GPR107: variants seen among roughly 807,000 people sequenced by gnomAD.
GPR107 encodes protein GPR107.
Under a neutral mutation model 75.5 loss-of-function variants are expected in GPR107, and 31 were observed. The ratio of observed to expected loss-of-function variants is 0.41; its 90% CI spans 0.31 to 0.55. The LOEUF (loss-of-function observed/expected upper bound fraction) is 0.55. Among genes scored for constraint, GPR107 ranks in the 20% least tolerant of loss-of-function variants. GPR107 has a pLI of 0.26. For synonymous variants in GPR107, 267 were observed against 251.3 expected, an observed-to-expected ratio of 1.06 and a Z score of -0.59; for missense variants, 572 against 665.7, an observed-to-expected ratio of 0.86 and a Z score of 1.55.
chr9:130,133,849 G>A (rs946570263), intron 17 of GPR107, among the ~76,000 whole-genome samples: 2 of 152,186 alleles, frequency 1.3e-5, no homozygotes, highest in Non-Finnish European at 2.9e-5. Context: ...GGGCATGGTA[G>A]CACCATAATG....
At chr9:130,114,888 C>T (rs776813872) in intron 14 of GPR107, among the ~76,000 whole-genome samples, 1 of 152,160 alleles carries the variant, frequency 6.6e-6, no homozygotes, top group Admixed American at 6.6e-5. Context: ...TCTTCCTTTG[C>T]CTATTAAGCT....
chr9:130,064,245 C>T (rs372324027), intron 1 of GPR107, among the ~76,000 whole-genome samples: 4 of 125,278 alleles, frequency 3.2e-5, no homozygotes, highest in Admixed American at 9.9e-5. Context: ...GGCCGGACTG[C>T]GGACTGCAGT....
Position 130,075,907 on chromosome 9 carries a change from G to A in GPR107, c.255+158G>A, listed in dbSNP as rs10119103. 0.1 allele frequency among the ~76,000 whole-genome samples: 15,270 copies of A among 150,784 alleles called. 808 individuals carry two copies. The highest frequency in any genetic ancestry group is 0.12 in the Non-Finnish European group (8,135 of 67,804). On this transcript the variant is annotated intron_variant, in intron 2 of 17. Coordinates refer to ENST00000347136, the MANE Select transcript of GPR107 (RefSeq NM_020960.5). ...AAGCAGTTCTCTGCCTCAGCCTCCC[G>A]AGTAGCTGGGATTACAGGCACCCAC... is the stretch of plus-strand genomic sequence containing the variant.
chr9:130,089,346 C>T (rs969953247), intron 7 of GPR107, among the ~76,000 whole-genome samples: 1 of 152,168 alleles, frequency 6.6e-6, no homozygotes, highest in African/African-American at 2.4e-5. Context: ...TCTTGGGATG[C>T]GTGGAGCAGG....
intron 4 of GPR107, among the ~76,000 whole-genome samples, chr9:130,078,762 C>G (rs1830420058): frequency 6.6e-6 from 1 of 152,208 alleles, no homozygotes. Context: ...GCAGGCTCCT[C>G]CTCCAGGTAG....
chr9:130,078,116 G>A (rs1310567166), intron 4 of GPR107, among the ~76,000 whole-genome samples: 2 of 151,218 alleles, frequency 1.3e-5, no homozygotes, highest in East Asian at 1.9e-4. Context: ...GGTGAGCCGA[G>A]ATCGCGCCAC....
intron 15 of GPR107, among the ~76,000 whole-genome samples, chr9:130,125,852 A>G (rs2132650815): frequency 1.3e-5 from 2 of 152,152 alleles, no homozygotes; most frequent in Non-Finnish European, 2.9e-5. Flanking sequence ...GATCGAGACC[A>G]TCCTGTCCAA....
intron 1 of GPR107, among the ~76,000 whole-genome samples, chr9:130,060,401 A>AG (rs1471116106): frequency 0.013 from 1,141 of 90,914 alleles, 23 homozygotes; most frequent in African/African-American, 0.045. Context: ...TGATAATCCG[A>AG]GTTTTTTTTT....
chr9:130,097,592 C>G (rs1830906936), intron 9 of GPR107, among the ~76,000 whole-genome samples: 1 of 152,112 alleles, frequency 6.6e-6, no homozygotes, highest in Non-Finnish European at 1.5e-5. Flanking sequence ...TTTTGCCAAT[C>G]TGATAGGTGT....
At chr9:130,071,678 A>C (rs1232820271) in intron 1 of GPR107, among the ~76,000 whole-genome samples, 1 of 151,532 alleles carries the variant, frequency 6.6e-6, no homozygotes, top group Non-Finnish European at 1.5e-5. Flanking sequence ...TATTATTACT[A>C]TTTTTGTTTT....
intron 1 of GPR107, among the ~76,000 whole-genome samples, chr9:130,062,327 T>G (rs1344554137): frequency 1.3e-5 from 2 of 151,236 alleles, no homozygotes; most frequent in Non-Finnish European, 2.9e-5. Context: ...GCAAGAGAAT[T>G]GCTTGAACCT....
intron 5 of GPR107, chr9:130,083,246 A>G (rs548080513): frequency 1.9e-4 from 34 of 182,368 alleles, no homozygotes; most frequent in African/African-American, 7.9e-4. Context: ...GTGTTTTCAA[A>G]TGTGATTACT....
chr9:130,093,325 T>G (rs887080657), intron 9 of GPR107, among the ~76,000 whole-genome samples: 2 of 152,202 alleles, frequency 1.3e-5, no homozygotes, highest in Admixed American at 1.3e-4. Flanking sequence ...AATATTAATA[T>G]TCATTTAGAG....
intron 17 of GPR107, among the ~76,000 whole-genome samples, chr9:130,130,968 C>G (rs1469563500): frequency 2.0e-5 from 3 of 151,894 alleles, no homozygotes; most frequent in Admixed American, 1.3e-4. Flanking sequence ...AACCTGTGTC[C>G]CATTTGGCAC....
intron 14 of GPR107, among the ~76,000 whole-genome samples, chr9:130,116,566 T>C (rs1831433420): frequency 6.6e-6 from 1 of 152,218 alleles, no homozygotes; most frequent in Admixed American, 6.5e-5. Context: ...CTCACTGGCA[T>C]AGCTCACAGC....
Position 130,135,054 on chromosome 9 carries a change from T to G in GPR107, c.1592T>G (p.Met531Arg). The G allele has an allele frequency of 1.2e-6, 2 of 1,610,256 alleles. No individual in the cohort carries two copies. Among genetic ancestry groups the G allele is most frequent in the Non-Finnish European group, 1.7e-6 (2 of 1,176,846 alleles). The change falls in exon 18 of 18, where the codon ATG (methionine) becomes AGG (arginine). Residue 531 changes from methionine to arginine, a missense_variant. Transcript: ENST00000347136. ...ACAACATCTGGGGTGATGGAAAGTATGAAGAAAGTCAAGAAGGTGACCAAC... is the reference window on the plus strand; with the variant it reads ...ACAACATCTGGGGTGATGGAAAGTAGGAAGAAAGTCAAGAAGGTGACCAAC... ...VVTTSGVMES[M>R]KKVKKVTNGS...
chr9:130,066,858 C>T (rs1477605063), intron 1 of GPR107, among the ~76,000 whole-genome samples: 1 of 152,054 alleles, frequency 6.6e-6, no homozygotes, highest in East Asian at 1.9e-4. Context: ...TGGTGGCGGG[C>T]GCCTGTAGTC....
chr9:130,120,055 G>T (rs1831514580), intron 14 of GPR107, among the ~76,000 whole-genome samples: 1 of 152,070 alleles, frequency 6.6e-6, no homozygotes, highest in South Asian at 2.1e-4. Context: ...CTCCCTCCGG[G>T]GCTCAGCCTC....
chr9:130,129,539 A>C (rs1235113717), intron 17 of GPR107: 4 of 152,370 alleles, frequency 2.6e-5, no homozygotes, highest in African/African-American at 9.6e-5. Flanking sequence ...AGCATGGGAC[A>C]GCTCTCTCTG....
Sources: allele counts gnomAD v4.1 joint callset (sites outside exome capture counted in the v4.1 genomes callset), GRCh38; gene constraint gnomAD v4.1.1; transcripts MANE v1.5; gene names NCBI Gene and HGNC (gene_info 2026-07-23, HGNC 2026-07-21).